Variants in DAB1 observed in about 807,000 individuals in gnomAD.
The protein encoded by DAB1 is disabled homolog 1.
A neutral mutation model predicts 64.6 loss-of-function variants in DAB1; 15 were observed. The ratio of observed to expected loss-of-function variants is 0.23; its 90% CI spans 0.16 to 0.36. The LOEUF is 0.36. DAB1 is among the 10% of genes least tolerant of loss of function. DAB1 has a pLI of 1.00. For synonymous variants in DAB1, 235 were observed against 251.9 expected (o/e 0.93, Z 0.64); for missense variants, 596 against 706.7 (o/e 0.84, Z 1.78).
At position 57,772,903 on chromosome 1, in the gene DAB1, T is replaced by G. The variant is rs1430796062; in HGVS notation, n.551+111096A>C. On this transcript the variant is annotated intron_variant and non_coding_transcript_variant, in intron 6 of 20. Coordinates refer to the DAB1 transcript ENST00000485760. ...GGTCAAACTGAATTATGGTGGCCCA[T>G]AAACCGAGTGACTGGTGTCCTTGAA... is the stretch of plus-strand genomic sequence containing the variant. Among the ~76,000 whole-genome samples, 3 of 152,084 alleles carry G rather than the reference T, an allele frequency of 2.0e-5. No homozygotes were observed. In the South Asian group the frequency reaches 6.2e-4, roughly 31 times the overall value.
At chr1:58,247,255 A>AT (rs1225168287) in intron 4 of DAB1, among the ~76,000 whole-genome samples, 8 of 103,476 alleles carry the variant, frequency 7.7e-5, no homozygotes, top group African/African-American at 2.9e-4. Context: ...TTCATTTTTC[A>AT]TTTCCCCCCC....
chr1:57,753,051 C>G (rs990757847), intron 6 of DAB1, among the ~76,000 whole-genome samples: 7 of 152,192 alleles, frequency 4.6e-5, no homozygotes, highest in Non-Finnish European at 8.8e-5. Flanking sequence ...ATGTTGGTTT[C>G]ATAAAGAGAA....
chr1:57,788,879 C>T (rs1650459132), intron 6 of DAB1, among the ~76,000 whole-genome samples: 1 of 152,134 alleles, frequency 6.6e-6, no homozygotes, highest in Non-Finnish European at 1.5e-5. Context: ...GGGTTCATAT[C>T]TAAGAGCTGC....
chr1:57,766,123 T>C (rs530957681), intron 6 of DAB1, among the ~76,000 whole-genome samples: 2 of 152,190 alleles, frequency 1.3e-5, no homozygotes, highest in South Asian at 4.2e-4. Flanking sequence ...ACCTCTGTCA[T>C]CAAAATATAG....
chr1:57,241,069 G>A (rs1668460416), intron 2 of DAB1, among the ~76,000 whole-genome samples: 1 of 152,124 alleles, frequency 6.6e-6, no homozygotes, highest in Admixed American at 6.5e-5. Context: ...TGAAAACTAG[G>A]GATGAGATGC....
chr1:57,982,812 A>C (rs2100346037), intron 5 of DAB1, among the ~76,000 whole-genome samples: 1 of 152,330 alleles, frequency 6.6e-6, no homozygotes, highest in South Asian at 2.1e-4. Context: ...AGGATGGGGA[A>C]ATACGTAAGA....
chr1:58,511,431 T>C (rs1317727869), intron 2 of DAB1, among the ~76,000 whole-genome samples: 1 of 152,100 alleles, frequency 6.6e-6, no homozygotes, highest in Non-Finnish European at 1.5e-5. Context: ...ATGGATTGCT[T>C]GAGACCAGGA....
intron 4 of DAB1, among the ~76,000 whole-genome samples, chr1:58,173,123 G>C (rs1213909883): frequency 1.3e-5 from 2 of 152,242 alleles, no homozygotes; most frequent in Non-Finnish European, 2.9e-5. Context: ...CCTACAGAAG[G>C]ATGCTTGGTA....
intron 9 of DAB1, 149 bp downstream of exon 9, chr1:57,062,735 C>T (rs1650524384): frequency 1.5e-6 from 1 of 674,090 alleles, no homozygotes; most frequent in Admixed American, 2.9e-5. Context: ...CTCTGGCCCA[C>T]TGAAGATGCC....
intron 4 of DAB1, among the ~76,000 whole-genome samples, chr1:58,278,896 C>G (rs190733402): frequency 0.025 from 578 of 22,828 alleles, 272 homozygotes; most frequent in African/African-American, 0.07. Flanking sequence ...GAAGGTCTCT[C>G]TTCATATCTC....
chr1:58,287,415 G>T (rs1305293345), intron 4 of DAB1, among the ~76,000 whole-genome samples: 1 of 152,160 alleles, frequency 6.6e-6, no homozygotes, highest in Non-Finnish European at 1.5e-5. Flanking sequence ...TGGTTCTTTA[G>T]TTGGGTGTCT....
At chr1:57,815,874 A>G (rs1473744534) in intron 6 of DAB1, among the ~76,000 whole-genome samples, 1 of 152,222 alleles carries the variant, frequency 6.6e-6, no homozygotes, top group East Asian at 1.9e-4. Flanking sequence ...GTCTCCAAGC[A>G]TCTTAAGAAC....
intron 6 of DAB1, among the ~76,000 whole-genome samples, chr1:57,754,812 T>C (rs1307585849): frequency 3.3e-5 from 5 of 152,204 alleles, no homozygotes; most frequent in Non-Finnish European, 7.3e-5. Context: ...AGCCCTGGTA[T>C]ATCTGACTCC....
At chr1:57,802,568 C>T (rs186537321) in intron 6 of DAB1, among the ~76,000 whole-genome samples, 87 of 152,246 alleles carry the variant, frequency 5.7e-4, no homozygotes, top group Non-Finnish European at 1.1e-3. Flanking sequence ...CGAATCATAA[C>T]CCCCATTGTT....
intron 5 of DAB1, among the ~76,000 whole-genome samples, chr1:58,107,403 G>A (rs187971506): frequency 8.6e-5 from 13 of 150,984 alleles, no homozygotes; most frequent in South Asian, 4.2e-4. Context: ...TCCAGGAGGC[G>A]GAGTTTGCAG....
intron 7 of DAB1, among the ~76,000 whole-genome samples, chr1:57,624,940 T>C (rs1645904721): frequency 6.6e-6 from 1 of 152,226 alleles, no homozygotes; most frequent in African/African-American, 2.4e-5. Context: ...AAAGATTTTT[T>C]TCCATTTATC....
chr1:57,622,783 AT>A (rs1412575142), intron 7 of DAB1, among the ~76,000 whole-genome samples: 3 of 152,196 alleles, frequency 2.0e-5, no homozygotes, highest in Non-Finnish European at 1.5e-5. Context: ...TATGAAGTGT[AT>A]GAGAAAATGC....
intron 4 of DAB1, among the ~76,000 whole-genome samples, chr1:58,187,044 G>A (rs1051323782): frequency 2.0e-5 from 3 of 152,162 alleles, no homozygotes; most frequent in Non-Finnish European, 4.4e-5. Flanking sequence ...GACTATTACT[G>A]CAATCTGCCA....
intron 4 of DAB1, among the ~76,000 whole-genome samples, chr1:58,191,339 C>A (rs982812787): frequency 6.6e-6 from 1 of 152,102 alleles, no homozygotes; most frequent in Non-Finnish European, 1.5e-5. Context: ...AGGTACCTTG[C>A]CCAAAGGTAC....
Sources: allele counts gnomAD v4.1 joint callset (sites outside exome capture counted in the v4.1 genomes callset), GRCh38; gene constraint gnomAD v4.1.1; transcripts MANE v1.5; gene names NCBI Gene and HGNC (gene_info 2026-07-23, HGNC 2026-07-21).